Variants in DENND10 observed in about 807,000 individuals in gnomAD.
The protein encoded by DENND10 is DENN domain containing 10, also known as DENN domain-containing protein 10.
DENND10 carries 24 observed loss-of-function variants against 43.6 expected under a neutral mutation model. That is an observed-to-expected ratio of 0.55 (90% CI 0.40 to 0.77). The LOEUF (loss-of-function observed/expected upper bound fraction) is 0.77. DENND10 is among the 30% of genes least tolerant of loss of function. The probability of loss-of-function intolerance (pLI) is 0.00; values close to 1 mark genes in which losing one functional copy is unlikely to be tolerated. For missense variants in DENND10, 303 were observed against 429.9 expected, an observed-to-expected ratio of 0.70 and a Z score of 2.61; for synonymous variants, 125 against 157.6, an observed-to-expected ratio of 0.79 and a Z score of 1.55.
At chr10:119,106,750 T>C (rs990184947) in intron 1 of DENND10, among the ~76,000 whole-genome samples, 1 of 152,212 alleles carries the variant, frequency 6.6e-6, no homozygotes, top group Non-Finnish European at 1.5e-5. Context: ...TATGTATTTA[T>C]TAAAAATTAT....
intron 6 of DENND10, among the ~76,000 whole-genome samples, chr10:119,127,616 C>G (rs970222313): frequency 6.6e-6 from 1 of 151,698 alleles, no homozygotes; most frequent in Non-Finnish European, 1.5e-5. Flanking sequence ...GTAACAGGGA[C>G]TACAGGCATG....
At position 119,132,218 on chromosome 10, in the gene DENND10, T is replaced by C. The variant is rs1243177793; in HGVS notation, c.803-297T>C. 6.6e-6 allele frequency among the ~76,000 whole-genome samples: 1 copy of C among 152,228 alleles called. No homozygotes were observed. The highest frequency in any genetic ancestry group is 6.5e-5 in the Admixed American group (1 of 15,272). On this transcript the variant is annotated intron_variant, in intron 7 of 8. Transcript: ENST00000361432. This position sits in a 1 kb window ranked among gnomAD's most constrained non-coding sequence, Gnocchi z 4.2. ...AGTCATGACTTAGTTGTAGTCAGAA[T>C]TGTTCATTATGCTTTGTCTGGGAAG...
chr10:119,120,882 G>A (rs1407861304), intron 5 of DENND10, among the ~76,000 whole-genome samples: 4 of 152,016 alleles, frequency 2.6e-5, no homozygotes, highest in Non-Finnish European at 4.4e-5. Context: ...CTTCTGTTCA[G>A]TTTTATCAAA....
At chr10:119,135,425 C>T (rs975623139) in intron 8 of DENND10, among the ~76,000 whole-genome samples, 2 of 152,078 alleles carry the variant, frequency 1.3e-5, no homozygotes, top group East Asian at 1.9e-4. Context: ...GAATATTACT[C>T]AGCTTAAAAA....
At chr10:119,118,595 G>A (rs1845406824) in intron 4 of DENND10, among the ~76,000 whole-genome samples, 1 of 152,096 alleles carries the variant, frequency 6.6e-6, no homozygotes, top group Non-Finnish European at 1.5e-5. Context: ...CAGCATCCCT[G>A]TTGAGGTGGT....
chr10:119,114,263 T>TGCAC (rs1845132033), intron 3 of DENND10: 1 of 40,314 alleles, frequency 2.5e-5, no homozygotes, highest in East Asian at 9.2e-4. Flanking sequence ...TCCAAGTATT[T>TGCAC]GCACACACAC....
chr10:119,108,485 A>G (rs1844810695), intron 2 of DENND10, among the ~76,000 whole-genome samples: 1 of 122,752 alleles, frequency 8.1e-6, no homozygotes, highest in Non-Finnish European at 1.8e-5. Context: ...CCGTCTCAAA[A>G]AAAAAAAAAA....
At position 119,132,477 on chromosome 10, in the gene DENND10, T is replaced by G. The variant is rs770664376; in HGVS notation, c.803-38T>G. On this transcript the variant is annotated intron_variant, in intron 7 of 8. Transcript: ENST00000361432. This position sits in a 1 kb window ranked among gnomAD's most constrained non-coding sequence, Gnocchi z 4.2. ...AGATAGATGGCATGATTATTTTTTA[T>G]GTCGATTTCTAAATATTCACCTTCT... 6.5e-7 allele frequency: 1 copy of G among 1,529,738 alleles called. No individual in the cohort carries two copies. Among genetic ancestry groups the G allele is most frequent in the Admixed American group, 1.7e-5 (1 of 59,100 alleles). 94.8% of individuals were successfully genotyped at this position (1,529,738 alleles called of 1,614,324 possible).
intron 3 of DENND10, among the ~76,000 whole-genome samples, chr10:119,116,684 T>C (rs1325095869): frequency 2.0e-5 from 2 of 98,160 alleles, no homozygotes; most frequent in African/African-American, 3.5e-5. Flanking sequence ...TTTTTTTTTT[T>C]TTGAGACAGA....
chr10:119,135,810 A>C lies in DENND10; in HGVS notation c.898-661A>C, dbSNP rs1027835771. Among the ~76,000 whole-genome samples the C allele has an allele frequency of 2.0e-5, 3 of 150,486 alleles. No individual in the cohort carries two copies. The East Asian group carries it at 5.8e-4, about 29-fold the overall frequency. The stretch of plus-strand genomic sequence containing the variant: ...AAATTGTAAAAAAAAAAAAAAAAAA[A>C]AAAAAACCAAAACCACACACTATGA... On this transcript the variant is annotated intron_variant, in intron 8 of 8. Coordinates refer to ENST00000361432, the MANE Select transcript of DENND10 (RefSeq NM_207009.4).
chr10:119,105,361 C>T (rs113308788), intron 1 of DENND10: 1,942 of 171,806 alleles, frequency 0.011, 38 homozygotes, highest in African/African-American at 0.043. Flanking sequence ...AATCATCGCT[C>T]TCTGCAGCCT....
At chr10:119,106,090 A>G (rs976244287) in intron 1 of DENND10, among the ~76,000 whole-genome samples, 5 of 152,104 alleles carry the variant, frequency 3.3e-5, no homozygotes, top group African/African-American at 1.2e-4. Flanking sequence ...GCTACTTAGG[A>G]GGCTGAGGCA....
At chr10:119,116,539 G>A (rs1334815825) in intron 3 of DENND10, among the ~76,000 whole-genome samples, 1 of 152,100 alleles carries the variant, frequency 6.6e-6, no homozygotes, top group Non-Finnish European at 1.5e-5. Flanking sequence ...AGAATCCTGG[G>A]ACCTCAGGAA....
intron 3 of DENND10, among the ~76,000 whole-genome samples, chr10:119,113,855 A>T (rs1295048979): frequency 1.3e-5 from 2 of 152,214 alleles, no homozygotes; most frequent in Admixed American, 1.3e-4. Context: ...CTCACTGTGG[A>T]TAAACAGTTG....
At chr10:119,105,652 T>G (rs1223255029) in intron 1 of DENND10, 3 of 360,298 alleles carry the variant, frequency 8.3e-6, no homozygotes, top group African/African-American at 2.2e-5. Context: ...GATCATATTT[T>G]GAACTCAGCA....
chr10:119,136,340 C>A, intron 8 of DENND10, 131 bp from the exon 9 acceptor site: 1 of 1,041,256 alleles, frequency 9.6e-7, no homozygotes, highest in Non-Finnish European at 1.4e-6. Flanking sequence ...GGATTACAGG[C>A]ATGAGCCACC....
Position 119,129,769 on chromosome 10 carries a change from C to A in DENND10, c.802+147C>A, listed in dbSNP as rs114381957. 1.3e-3 allele frequency: 837 copies of A among 633,806 alleles called. 9 individuals carry two copies. The highest frequency in any genetic ancestry group is 0.013 in the African/African-American group (708 of 54,828). The allele number at this position is 633,806 out of a possible 1,614,324, so 39.3% of individuals were successfully genotyped here. On this transcript the variant is annotated intron_variant, in intron 7 of 8. Transcript: ENST00000361432. The stretch of plus-strand genomic sequence containing the variant: ...CCGTGTCTAGAACACAACATTTATT[C>A]CTATAAACATAGACATATTAGCAGA...
intron 1 of DENND10, chr10:119,105,401 C>T: frequency 3.4e-6 from 1 of 296,198 alleles, no homozygotes; most frequent in Admixed American, 5.2e-5. Flanking sequence ...CATCCTCCCG[C>T]CTCGGCCTCC....
At chr10:119,128,424 A>G (rs987438644) in intron 6 of DENND10, among the ~76,000 whole-genome samples, 2 of 151,806 alleles carry the variant, frequency 1.3e-5, no homozygotes, top group African/African-American at 4.8e-5. Context: ...TCTAGCCAAT[A>G]TGGTGAAACC....
Sources: allele counts gnomAD v4.1 joint callset (sites outside exome capture counted in the v4.1 genomes callset), GRCh38; gene constraint gnomAD v4.1.1; non-coding constraint Gnocchi (gnomAD v3.1); transcripts MANE v1.5; gene names NCBI Gene and HGNC (gene_info 2026-07-23, HGNC 2026-07-21).